SLC22A17: variants seen among roughly 807,000 people sequenced by gnomAD.
SLC22A17 encodes 24p3 receptor.
A neutral mutation model predicts 53.6 loss-of-function variants in SLC22A17; 38 were observed. The observed-to-expected ratio is 0.71, with a 90% CI of 0.55 to 0.93. The LOEUF is 0.93. SLC22A17 is among the 40% of genes least tolerant of loss of function. SLC22A17 has a pLI of 0.00. For missense variants in SLC22A17, 704 were observed against 791.0 expected, an observed-to-expected ratio of 0.89 and a Z score of 1.32; for synonymous variants, 379 against 353.0, an observed-to-expected ratio of 1.07 and a Z score of -0.82.
At position 23,347,351 on chromosome 14, in the gene SLC22A17, C is replaced by G. The variant is rs1410706793; in HGVS notation, c.1549+109G>C. ...GGCATTCAGTAATTGACTGGGAGAG[C>G]AGATGGGGCTGTGGGGCCAGGTGGA... On this transcript the variant is annotated intron_variant, in intron 8 of 9. Transcript: ENST00000397267. This position sits in a 1 kb window ranked among gnomAD's most constrained non-coding sequence, Gnocchi z 5.1. 2.7e-6 allele frequency: 4 copies of G among 1,496,934 alleles called. No homozygotes were observed. The highest frequency in any genetic ancestry group is 3.6e-6 in the Non-Finnish European group (4 of 1,107,770). 92.7% of individuals were successfully genotyped at this position (1,496,934 alleles called of 1,614,324 possible). A position where few individuals can be genotyped will look rare whatever the true frequency, so the allele number is the denominator to read the frequency against.
exon 4 of SLC22A17, chr14:23,349,300 G>A (rs150658811): frequency 8.7e-6 from 14 of 1,613,928 alleles, no homozygotes; most frequent in East Asian, 6.7e-5. Flanking sequence ...GGTCAACACC[G>A]GCAAGCAGAA....
chr14:23,346,357 T>A (rs1486886758), exon 10 of SLC22A17: 1 of 386,206 alleles, frequency 2.6e-6, no homozygotes, highest in Non-Finnish European at 4.6e-6. Context: ...AACAGAATGA[T>A]AGAGCAAGAA....
In SLC22A17 at chr14:23,351,483, T is replaced by C. The variant is rs192511263; in HGVS notation, c.704+269A>G. 3.7e-3 allele frequency: 1,521 copies of C among 414,902 alleles called. 7 individuals are homozygous for C. The highest frequency in any genetic ancestry group is 5.2e-3 in the South Asian group (143 of 27,666). 25.7% of individuals were successfully genotyped at this position (414,902 alleles called of 1,614,324 possible). ...ACTATTCTCTTTGGAGATGAGGCCATTGATTCACGGATAGGGGGCCACTAA... is the reference window on the plus strand; with the variant it reads ...ACTATTCTCTTTGGAGATGAGGCCACTGATTCACGGATAGGGGGCCACTAA... On this transcript the variant is annotated intron_variant, in intron 3 of 9. Coordinates refer to ENST00000397267, the Ensembl canonical transcript of SLC22A17.
intron 3 of SLC22A17, 65 bp downstream of exon 3, chr14:23,351,687 T>C: frequency 6.9e-7 from 1 of 1,445,124 alleles, no homozygotes; most frequent in Non-Finnish European, 9.5e-7. Context: ...AAACGCCCGC[T>C]GCTTGGGTTA....
At chr14:23,349,513 T>C in intron 3 of SLC22A17, 87 bp from the exon 4 acceptor site, 1 of 1,436,026 alleles carries the variant, frequency 7.0e-7, no homozygotes, top group Non-Finnish European at 9.4e-7. Context: ...ACTTCAGAGC[T>C]AGAGGTATGA....
Position 23,347,082 on chromosome 14 carries a change from G to C in SLC22A17, c.1661+19C>G, listed in dbSNP as rs761951523. 1 of 1,603,234 alleles carries C rather than the reference G, an allele frequency of 6.2e-7. No individual in the cohort carries two copies. The highest frequency in any genetic ancestry group is 1.1e-5 in the South Asian group (1 of 89,816). On this transcript the variant is annotated intron_variant, in intron 9 of 9. Transcript: ENST00000397267. This position sits in a 1 kb window ranked among gnomAD's most constrained non-coding sequence, Gnocchi z 5.1. ...GCGAGGGGGCCCGGCTCTGCCCCTGGGGGCACCCCTGCTCTCACCGGACAG... is the reference window on the plus strand; with the variant it reads ...GCGAGGGGGCCCGGCTCTGCCCCTGCGGGCACCCCTGCTCTCACCGGACAG...
rs766563139 is a variant in SLC22A17 at position 23,347,233 on chromosome 14, A to G, written c.1550-21T>C. ...CAGATCTGCAGAAGCAAGAGGGATG[A>G]TATGAATGCAGGTGGGGAGGTCAAG... On this transcript the variant is annotated intron_variant, in intron 8 of 9. Coordinates refer to ENST00000397267, the Ensembl canonical transcript of SLC22A17. The surrounding 1 kb of genome is among the most constrained non-coding windows in gnomAD (Gnocchi z 5.1). 7 of 1,600,900 alleles carry G rather than the reference A, an allele frequency of 4.4e-6. No individual in the cohort carries two copies. The Admixed American group carries it at 1.2e-4, about 27-fold the overall frequency.
chr14:23,347,044 G>C lies in SLC22A17; in HGVS notation c.1661+57C>G, dbSNP rs1278822748. On this transcript the variant is annotated intron_variant, in intron 9 of 9. Transcript: ENST00000397267. This position sits in a 1 kb window ranked among gnomAD's most constrained non-coding sequence, Gnocchi z 5.1. Reference sequence around the variant, plus strand: ...CAGGCCCTGTCCTCAGGGGTGGGGTGGGGGAGCGGGAGGCGAGGGGGCCCG... The same window carrying C: ...CAGGCCCTGTCCTCAGGGGTGGGGTCGGGGAGCGGGAGGCGAGGGGGCCCG... The C allele has an allele frequency of 2.0e-6, 3 of 1,536,724 alleles. No individual in the cohort carries two copies. In the African/African-American group the frequency reaches 4.1e-5, roughly 21 times the overall value.
chr14:23,352,472 G>T lies in SLC22A17; in HGVS notation c.97-21C>A, dbSNP rs965377478. ...ACCTGCTGTTGGGGGGCAGGGGGTG[G>T]CAGGAGAAGGGTGAAGCGGAGGAAA... On this transcript the variant is annotated intron_variant, in intron 1 of 9. Coordinates refer to ENST00000397267, the Ensembl canonical transcript of SLC22A17. This position sits in a 1 kb window ranked among gnomAD's most constrained non-coding sequence, Gnocchi z 7.2. 6.4e-5 allele frequency: 28 copies of T among 440,222 alleles called. No individual in the cohort carries two copies. Among genetic ancestry groups the T allele is most frequent in the Middle Eastern group, 5.6e-4 (1 of 1,772 alleles). The allele number at this position is 440,222 out of a possible 1,614,324, so 27.3% of individuals were successfully genotyped here. A position where few individuals can be genotyped will look rare whatever the true frequency, so the allele number is the denominator to read the frequency against.
intron 2 of SLC22A17, 39 bp downstream of exon 2, chr14:23,351,909 T>TGCCCGCCCCCAGACCCGCG: frequency 6.2e-7 from 1 of 1,611,550 alleles, no homozygotes; most frequent in Non-Finnish European, 8.5e-7. Flanking sequence ...CGCCGCTCTC[T>TGCCCGCCCCCAGACCCGCG]GCCCGCCCCC....
Position 23,347,281 on chromosome 14 carries a change from T to C in SLC22A17, c.1550-69A>G. ...AAGGCTGGCCTAGTCCCGGGTGTCA[T>C]CCCCTTGGCTCTCTGTTCCCATGGC... On this transcript the variant is annotated intron_variant, in intron 8 of 9. Coordinates refer to ENST00000397267, the Ensembl canonical transcript of SLC22A17. The surrounding 1 kb of genome is among the most constrained non-coding windows in gnomAD (Gnocchi z 5.1). 6.7e-7 allele frequency: 1 copy of C among 1,492,610 alleles called. No homozygotes were observed. 92.5% of individuals were successfully genotyped at this position (1,492,610 alleles called of 1,614,324 possible).
intron 3 of SLC22A17, chr14:23,349,690 T>C (rs1387891841): frequency 3.7e-6 from 2 of 536,756 alleles, no homozygotes; most frequent in East Asian, 6.3e-5. Context: ...AGGGCACTTG[T>C]CAATGGATGT....
intron 4 of SLC22A17, 93 bp downstream of exon 4, chr14:23,349,179 A>C (rs1889453402): frequency 6.6e-7 from 1 of 1,522,178 alleles, no homozygotes; most frequent in East Asian, 2.3e-5. Flanking sequence ...TAGGCAGCTG[A>C]AATGTGGCCT....
intron 3 of SLC22A17, among the ~76,000 whole-genome samples, chr14:23,350,570 T>C (rs1223543298): frequency 6.6e-6 from 1 of 152,138 alleles, no homozygotes; most frequent in Non-Finnish European, 1.5e-5. Context: ...ACCATTGATC[T>C]ATGGAGATGA....
At chr14:23,349,654 G>A (rs1007786744) in intron 3 of SLC22A17, 1 of 584,238 alleles carries the variant, frequency 1.7e-6, no homozygotes, top group African/African-American at 1.9e-5. Context: ...TGGGAACATT[G>A]ACTCTTGGGC....
At position 23,347,289 on chromosome 14, in the gene SLC22A17, G is replaced by T. The variant is rs1889279560; in HGVS notation, c.1550-77C>A. The T allele has an allele frequency of 1.3e-6, 2 of 1,485,706 alleles. No homozygotes were observed. Among genetic ancestry groups the T allele is most frequent in the East Asian group, 2.4e-5 (1 of 41,846 alleles). 92.0% of individuals were successfully genotyped at this position (1,485,706 alleles called of 1,614,324 possible). A position where few individuals can be genotyped will look rare whatever the true frequency, so the allele number is the denominator to read the frequency against. ...CCTAGTCCCGGGTGTCATCCCCTTG[G>T]CTCTCTGTTCCCATGGCTCTAGCTG... On this transcript the variant is annotated intron_variant, in intron 8 of 9. Transcript: ENST00000397267. This position sits in a 1 kb window ranked among gnomAD's most constrained non-coding sequence, Gnocchi z 5.1.
exon 10 of SLC22A17, chr14:23,346,836 C>T (rs529257313): frequency 1.2e-5 from 18 of 1,540,206 alleles, no homozygotes; most frequent in African/African-American, 9.5e-5. Flanking sequence ...GCCAGCACCA[C>T]GTGCTGCAGG....
rs573722392 is a variant in SLC22A17, at chr14:23,348,861, T to C, written c.860-190A>G. 97 of 644,578 alleles carry C rather than the reference T, an allele frequency of 1.5e-4. 1 individual carries two copies. Among genetic ancestry groups the C allele is most frequent in the South Asian group, 1.3e-3 (63 of 49,474 alleles). The allele number at this position is 644,578 out of a possible 1,614,324, so 39.9% of individuals were successfully genotyped here. ...GGAGACTGTTCAGCCCTCTCTCCTC[T>C]CCTGCTCAAACCTAGGAGGGCTCTA... On this transcript the variant is annotated intron_variant, in intron 4 of 9. Coordinates refer to ENST00000397267, the Ensembl canonical transcript of SLC22A17. The surrounding 1 kb of genome is among the most constrained non-coding windows in gnomAD (Gnocchi z 4.5).
exon 4 of SLC22A17, chr14:23,349,331 G>A (rs1399357761): frequency 6.2e-7 from 1 of 1,614,054 alleles, no homozygotes; most frequent in Admixed American, 1.7e-5. Flanking sequence ...GAATCGGAGG[G>A]CCATGACGCC....
Sources: gnomAD v4.1 joint callset for allele counts (sites outside exome capture counted in the v4.1 genomes callset) on GRCh38, gnomAD v4.1.1 for gene constraint, Gnocchi (gnomAD v3.1) non-coding constraint, MANE v1.5 for transcripts, NCBI Gene and HGNC (gene_info 2026-07-23, HGNC 2026-07-21) for gene names.